The following BMP6 variants were observed in gnomAD, a reference collection of about 807,000 sequenced individuals.
BMP6 encodes VG-1-R.
Under a neutral mutation model 54.1 loss-of-function variants are expected in BMP6, and 17 were observed. That is an observed-to-expected ratio of 0.31 (90% CI 0.22 to 0.47). The LOEUF (loss-of-function observed/expected upper bound fraction) is 0.47, where lower values mean the gene tolerates loss of function less well. BMP6 is among the 20% of genes least tolerant of loss of function. BMP6 has a pLI of 1.00. For synonymous variants in BMP6, 328 were observed against 291.2 expected, an observed-to-expected ratio of 1.13 and a Z score of -1.28; for missense variants, 720 against 690.4, an observed-to-expected ratio of 1.04 and a Z score of -0.48.
intron 1 of BMP6, among the ~76,000 whole-genome samples, chr6:7,748,552 G>C (rs13196371): frequency 0.14 from 21,198 of 152,132 alleles, 1,602 homozygotes; most frequent in East Asian, 0.3. Flanking sequence ...AGAAACCTAC[G>C]AGGCTGAAGC....
intron 1 of BMP6, among the ~76,000 whole-genome samples, chr6:7,781,790 A>C (rs1757952346): frequency 6.6e-6 from 1 of 151,580 alleles, no homozygotes; most frequent in African/African-American, 2.4e-5. Context: ...TCCTGGAACA[A>C]ATGGCGCTTG....
chr6:7,786,867 A>G (rs964845598), intron 1 of BMP6, among the ~76,000 whole-genome samples: 2 of 152,184 alleles, frequency 1.3e-5, no homozygotes, highest in African/African-American at 4.8e-5. Context: ...AGTTTGTCCC[A>G]TTTCAAACTT....
intron 2 of BMP6, among the ~76,000 whole-genome samples, chr6:7,856,614 T>TTTTTTTTTTTTTTTG (rs1491363620): frequency 1.1e-5 from 1 of 95,134 alleles, no homozygotes; most frequent in African/African-American, 3.9e-5. Flanking sequence ...TTTTTTTTTT[T>TTTTTTTTTTTTTTTG]GAGACGGAGT....
At chr6:7,748,405 A>G (rs1757376747) in intron 1 of BMP6, among the ~76,000 whole-genome samples, 1 of 152,178 alleles carries the variant, frequency 6.6e-6, no homozygotes, top group African/African-American at 2.4e-5. Flanking sequence ...TTCAGACATC[A>G]TTCTCTTATG....
Position 7,727,228 on chromosome 6 carries a change from C to T in BMP6, c.273C>T (p.His91=). ...TCTTGTCGGTGCTGGGGCTCCCGCA[C>T]CGGCCCCGGCCCCTGCACGGCCTCC... is the stretch of plus-strand genomic sequence containing the variant. ...KEILSVLGLP[H]RPRPLHGLQQ... is the part of the protein sequence containing the mutation. The change falls in exon 1 of 7, where the codon CAC becomes CAT. Residue 91 remains histidine (H), a synonymous_variant. Transcript: ENST00000283147. 6.2e-7 allele frequency: 1 copy of T among 1,605,668 alleles called. No homozygotes were observed. The highest frequency in any genetic ancestry group is 8.5e-7 in the Non-Finnish European group (1 of 1,176,784).
intron 1 of BMP6, among the ~76,000 whole-genome samples, 191 bp from the exon 2 acceptor site, chr6:7,844,949 T>A (rs1759037332): frequency 6.6e-6 from 1 of 152,180 alleles, no homozygotes; most frequent in East Asian, 1.9e-4. Context: ...TTGCTTCATC[T>A]TGGGTAACAT....
rs141121278 is a variant in BMP6, at chr6:7,778,760, C to T, written c.664+51141C>T. On this transcript the variant is annotated intron_variant, in intron 1 of 6. Coordinates refer to ENST00000283147, the MANE Select transcript of BMP6 (RefSeq NM_001718.6). ...TGAAAGTCACTAAATGAGTCAGTGGCGGAACTGGAATCGAGTCTGGACACC... is the reference window on the plus strand; with the variant it reads ...TGAAAGTCACTAAATGAGTCAGTGGTGGAACTGGAATCGAGTCTGGACACC... Among the ~76,000 whole-genome samples the T allele has an allele frequency of 5.9e-3, 899 of 152,290 alleles. 7 individuals are homozygous for T. The highest frequency in any genetic ancestry group is 1.0e-2 in the Non-Finnish European group (677 of 68,036).
At chr6:7,875,786 A>C (rs1486269033) in intron 4 of BMP6, among the ~76,000 whole-genome samples, 1 of 152,210 alleles carries the variant, frequency 6.6e-6, no homozygotes, top group Non-Finnish European at 1.5e-5. Context: ...TGAGAGAGAA[A>C]AGCGTACCAG....
At chr6:7,853,062 G>A (rs530912647) in intron 2 of BMP6, among the ~76,000 whole-genome samples, 27 of 152,140 alleles carry the variant, frequency 1.8e-4, no homozygotes, top group Admixed American at 4.6e-4. Flanking sequence ...TCTGTGCCTC[G>A]TACTAGAAAT....
chr6:7,840,015 A>C (rs1393784776), intron 1 of BMP6, among the ~76,000 whole-genome samples: 2 of 152,194 alleles, frequency 1.3e-5, no homozygotes, highest in African/African-American at 4.8e-5. Context: ...AGGGCTGAAG[A>C]AGGAGAGGAG....
chr6:7,875,669 G>GA (rs1324704833), intron 4 of BMP6, among the ~76,000 whole-genome samples: 2 of 151,956 alleles, frequency 1.3e-5, no homozygotes, highest in South Asian at 2.1e-4. Context: ...CCCCATTGCA[G>GA]AAAAAAAAGT....
intron 1 of BMP6, among the ~76,000 whole-genome samples, chr6:7,778,843 T>A (rs1477479060): frequency 6.6e-6 from 1 of 152,210 alleles, no homozygotes; most frequent in African/African-American, 2.4e-5. Context: ...GGGCACTGTC[T>A]ATCATTTCTG....
At position 7,787,011 on chromosome 6, in the gene BMP6, G is replaced by T. The variant is rs552985199; in HGVS notation, c.665-58129G>T. ...TTCTTTCTCATGATCCTTTTCCCCAGAGCTGCCATTTCTCTAAACTAAAGT... is the reference window on the plus strand; with the variant it reads ...TTCTTTCTCATGATCCTTTTCCCCATAGCTGCCATTTCTCTAAACTAAAGT... On this transcript the variant is annotated intron_variant, in intron 1 of 6. Transcript: ENST00000283147. Among the ~76,000 whole-genome samples, 4 of 152,214 alleles carry T rather than the reference G, an allele frequency of 2.6e-5. No homozygotes were observed. In the East Asian group the frequency reaches 5.8e-4, roughly 22 times the overall value.
At chr6:7,790,099 C>G (rs879856865) in intron 1 of BMP6, among the ~76,000 whole-genome samples, 1 of 152,024 alleles carries the variant, frequency 6.6e-6, no homozygotes, top group African/African-American at 2.4e-5. Context: ...TAGGGCTGTT[C>G]CCTCTGTCCA....
chr6:7,788,081 T>G (rs910173948), intron 1 of BMP6, among the ~76,000 whole-genome samples: 6 of 152,250 alleles, frequency 3.9e-5, no homozygotes, highest in African/African-American at 1.4e-4. Flanking sequence ...GATGAATGTT[T>G]AGTTACAAGA....
intron 1 of BMP6, among the ~76,000 whole-genome samples, chr6:7,739,144 A>G (rs931087085): frequency 1.2e-4 from 19 of 152,286 alleles, no homozygotes; most frequent in Admixed American, 5.2e-4. Flanking sequence ...CTAATTTTGG[A>G]AGCAAGTGTC....
intron 1 of BMP6, among the ~76,000 whole-genome samples, chr6:7,791,423 A>G (rs897906836): frequency 6.6e-6 from 1 of 151,768 alleles, no homozygotes; most frequent in Non-Finnish European, 1.5e-5. Context: ...GTGCCACCCT[A>G]TCTCTGTCTG....
chr6:7,764,569 G>C (rs569084809), intron 1 of BMP6, among the ~76,000 whole-genome samples: 1 of 152,218 alleles, frequency 6.6e-6, no homozygotes, highest in East Asian at 1.9e-4. Flanking sequence ...TCGTTCTGAT[G>C]GTGTTATATG....
chr6:7,766,721 C>G (rs1404393940), intron 1 of BMP6, among the ~76,000 whole-genome samples: 1 of 152,058 alleles, frequency 6.6e-6, no homozygotes, highest in Non-Finnish European at 1.5e-5. Context: ...TAAAGAATAG[C>G]CTACATCATT....
Sources: allele counts gnomAD v4.1 joint callset (sites outside exome capture counted in the v4.1 genomes callset), GRCh38; gene constraint gnomAD v4.1.1; transcripts MANE v1.5; gene names NCBI Gene and HGNC (gene_info 2026-07-23, HGNC 2026-07-21).